The following GRM5 variants were observed in gnomAD, a reference collection of about 807,000 sequenced individuals.
GRM5 encodes metabotropic glutamate receptor 5.
GRM5 carries 19 observed loss-of-function variants against 83.1 expected under a neutral mutation model. That is an observed-to-expected ratio of 0.23 (90% confidence interval 0.16 to 0.34). The LOEUF is 0.34. Among genes scored for constraint, GRM5 ranks in the 10% least tolerant of loss-of-function variants. The probability of loss-of-function intolerance (pLI) is 1.00; values close to 1 mark genes in which losing one functional copy is unlikely to be tolerated. For missense variants in GRM5, 1,160 were observed against 1,588.3 expected (o/e 0.73, Z 4.58); for synonymous variants, 675 against 633.6 (o/e 1.07, Z -0.98).
At chr11:88,727,447 A>C (rs1941709286) in intron 3 of GRM5, among the ~76,000 whole-genome samples, 1 of 152,218 alleles carries the variant, frequency 6.6e-6, no homozygotes, top group Non-Finnish European at 1.5e-5. Context: ...GGAAGACTTT[A>C]ACACTGCACT....
At chr11:88,658,346 G>A (rs1011833073) in intron 3 of GRM5, among the ~76,000 whole-genome samples, 2 of 152,136 alleles carry the variant, frequency 1.3e-5, no homozygotes, top group African/African-American at 2.4e-5. Flanking sequence ...TTCTGCTCAC[G>A]TTTCACTGAC....
intron 3 of GRM5, among the ~76,000 whole-genome samples, chr11:88,808,150 A>T (rs1027951569): frequency 2.0e-5 from 3 of 152,012 alleles, no homozygotes; most frequent in Admixed American, 2.0e-4. Context: ...CATTTTACAT[A>T]GTATATATAT....
In GRM5 at chr11:88,997,285, C is replaced by T. The variant is rs551397829; in HGVS notation, c.661+49927G>A. ...GAGGTTGCACTGAGCCAAGATTGCG[C>T]CACTGTACTCCAGCCTGGGCAACAA... On this transcript the variant is annotated intron_variant, in intron 2 of 9. Coordinates refer to ENST00000305447, the MANE Select transcript of GRM5 (RefSeq NM_001143831.3). 1.5e-4 allele frequency among the ~76,000 whole-genome samples: 23 copies of T among 149,786 alleles called. No individual in the cohort carries two copies. In the East Asian group the frequency reaches 4.5e-3, roughly 29 times the overall value.
At chr11:89,000,253 G>A (rs1042559809) in intron 2 of GRM5, among the ~76,000 whole-genome samples, 7 of 151,856 alleles carry the variant, frequency 4.6e-5, no homozygotes, top group Admixed American at 2.6e-4. Flanking sequence ...ATTAAAAAAC[G>A]GAACTAGACT....
At chr11:88,650,312 C>A (rs1939597331) in intron 4 of GRM5, among the ~76,000 whole-genome samples, 1 of 151,812 alleles carries the variant, frequency 6.6e-6, no homozygotes, top group African/African-American at 2.4e-5. Context: ...ATATAGCTGA[C>A]AAAGGACTCA....
At chr11:88,687,607 G>T (rs1347319388) in intron 3 of GRM5, among the ~76,000 whole-genome samples, 1 of 78,296 alleles carries the variant, frequency 1.3e-5, no homozygotes, top group Non-Finnish European at 2.5e-5. Flanking sequence ...TTCTCCACAT[G>T]TGCCTACCTG....
intron 2 of GRM5, among the ~76,000 whole-genome samples, chr11:88,942,463 G>A (rs1938146696): frequency 6.6e-6 from 1 of 151,994 alleles, no homozygotes; most frequent in Non-Finnish European, 1.5e-5. Flanking sequence ...TCCCAGATAA[G>A]TGCATCCATT....
At chr11:88,711,983 G>T (rs932750448) in intron 3 of GRM5, among the ~76,000 whole-genome samples, 14 of 152,006 alleles carry the variant, frequency 9.2e-5, no homozygotes, top group African/African-American at 3.1e-4. Flanking sequence ...CGTTCATTTT[G>T]CATCTCAGGA....
intron 4 of GRM5, among the ~76,000 whole-genome samples, chr11:88,606,918 G>A (rs2135234903): frequency 6.8e-6 from 1 of 147,664 alleles, no homozygotes; most frequent in African/African-American, 2.5e-5. Context: ...CATTTTGGAA[G>A]AAATGTTTTC....
intron 9 of GRM5, among the ~76,000 whole-genome samples, chr11:88,510,960 A>G (rs1283893184): frequency 6.6e-6 from 1 of 152,208 alleles, no homozygotes; most frequent in Non-Finnish European, 1.5e-5. Context: ...CAGCCTGACT[A>G]CAAAAGAAGT....
At chr11:88,622,511 A>G (rs1294054680) in intron 4 of GRM5, among the ~76,000 whole-genome samples, 2 of 152,168 alleles carry the variant, frequency 1.3e-5, no homozygotes, top group Non-Finnish European at 2.9e-5. Flanking sequence ...CATTTATTTC[A>G]TTATAACCCA....
At chr11:88,912,063 G>A (rs1298175849) in intron 2 of GRM5, 2 of 466,934 alleles carry the variant, frequency 4.3e-6, no homozygotes, top group Non-Finnish European at 8.9e-6. Flanking sequence ...GTAAGTATTG[G>A]CGAAGTTCAG....
At chr11:88,579,095 A>G (rs1943173881) in intron 7 of GRM5, among the ~76,000 whole-genome samples, 2 of 152,158 alleles carry the variant, frequency 1.3e-5, no homozygotes, top group South Asian at 4.1e-4. Context: ...CATGATTCCA[A>G]CCTTTTTTAA....
chr11:88,951,118 T>C (rs1938449029), intron 2 of GRM5, among the ~76,000 whole-genome samples: 1 of 152,146 alleles, frequency 6.6e-6, no homozygotes, highest in African/African-American at 2.4e-5. Flanking sequence ...AGAGAGTATA[T>C]GCATTAGTTT....
At chr11:88,714,082 A>G (rs1941345448) in intron 3 of GRM5, among the ~76,000 whole-genome samples, 1 of 152,042 alleles carries the variant, frequency 6.6e-6, no homozygotes, top group Non-Finnish European at 1.5e-5. Context: ...TTTAGCTTTC[A>G]TATCTTTCAA....
chr11:88,707,342 A>G (rs1384699617), intron 3 of GRM5, among the ~76,000 whole-genome samples: 1 of 152,134 alleles, frequency 6.6e-6, no homozygotes, highest in East Asian at 1.9e-4. Flanking sequence ...ATAAATGGAT[A>G]GTGTCACTGT....
intron 2 of GRM5, among the ~76,000 whole-genome samples, chr11:88,891,962 T>C (rs1347128710): frequency 2.0e-5 from 3 of 152,108 alleles, no homozygotes; most frequent in Non-Finnish European, 2.9e-5. Context: ...CTGATCCTTA[T>C]TTTGTTTTTC....
chr11:89,063,687 A>G (rs1017478278), intron 1 of GRM5: 8 of 152,166 alleles, frequency 5.3e-5, no homozygotes, highest in African/African-American at 1.9e-4. Flanking sequence ...CTACTGAGAA[A>G]GGGGGGATGG....
chr11:88,999,912 A>C (rs1940314162), intron 2 of GRM5, among the ~76,000 whole-genome samples: 1 of 152,262 alleles, frequency 6.6e-6, no homozygotes, highest in African/African-American at 2.4e-5. Context: ...GCAGCCATAA[A>C]AAATGATGAG....
Sources: allele counts gnomAD v4.1 joint callset (sites outside exome capture counted in the v4.1 genomes callset), GRCh38; gene constraint gnomAD v4.1.1; transcripts MANE v1.5; gene names NCBI Gene and HGNC (gene_info 2026-07-23, HGNC 2026-07-21).